The following EMILIN2 variants were observed in gnomAD, a reference collection of about 807,000 sequenced individuals.
The protein encoded by EMILIN2 is EMILIN-2.
EMILIN2 carries 71 observed loss-of-function variants against 87.1 expected under a neutral mutation model. That is an observed-to-expected ratio of 0.82 (90% confidence interval 0.67 to 0.99). The LOEUF is 0.99. Among genes scored for constraint, EMILIN2 ranks in the 50% least tolerant of loss-of-function variants. EMILIN2 has a pLI of 0.00. For missense variants in EMILIN2, 1,407 were observed against 1,371.8 expected (o/e 1.03, Z -0.40); for synonymous variants, 581 against 563.4 (o/e 1.03, Z -0.44).
intron 2 of EMILIN2, among the ~76,000 whole-genome samples, chr18:2,864,752 G>C (rs1290893392): frequency 6.6e-6 from 1 of 152,034 alleles, no homozygotes; most frequent in Non-Finnish European, 1.5e-5. Context: ...TCCTGAATTT[G>C]AATGTTGGCC....
At chr18:2,866,073 G>A (rs995381833) in intron 2 of EMILIN2, among the ~76,000 whole-genome samples, 1 of 152,206 alleles carries the variant, frequency 6.6e-6, no homozygotes, top group Non-Finnish European at 1.5e-5. Flanking sequence ...CAGTATTAGG[G>A]TGGGAGTGAC....
chr18:2,860,947 G>C (rs1465611758), intron 2 of EMILIN2, among the ~76,000 whole-genome samples: 1 of 152,292 alleles, frequency 6.6e-6, no homozygotes, highest in Admixed American at 6.5e-5. Flanking sequence ...GTGTGAGATG[G>C]TATCTCATTG....
intron 7 of EMILIN2, among the ~76,000 whole-genome samples, chr18:2,912,755 C>T (rs1324135009): frequency 3.9e-5 from 6 of 152,198 alleles, no homozygotes; most frequent in Admixed American, 2.6e-4. Flanking sequence ...TTGGCCCTGC[C>T]TCCCGGGTAT....
chr18:2,870,550 G>T (rs11874228), intron 2 of EMILIN2, among the ~76,000 whole-genome samples: 12,464 of 152,252 alleles, frequency 0.082, 1,689 homozygotes, highest in African/African-American at 0.28. Flanking sequence ...CGACATAAAA[G>T]GTGGGAATGA....
intron 2 of EMILIN2, among the ~76,000 whole-genome samples, chr18:2,859,264 GC>G (rs1313563908): frequency 6.6e-6 from 1 of 152,014 alleles, no homozygotes; most frequent in African/African-American, 2.4e-5. Flanking sequence ...GGCCATTCTT[GC>G]GGGAGTAAGG....
rs926015055 is a variant in EMILIN2, at chr18:2,880,648, G to GC, written c.258-4315dup. ...CGCCGCCTTAACTTTTCCTCTGGCT[G>GC]CGGGTCCCTCGGCTTGGCCACCCCC... On this transcript the variant is annotated intron_variant, in intron 2 of 7. Coordinates refer to ENST00000254528, the MANE Select transcript of EMILIN2 (RefSeq NM_032048.3). The surrounding 1 kb of genome is among the most constrained non-coding windows in gnomAD (Gnocchi z 4.1). Among the ~76,000 whole-genome samples, 2 of 152,232 alleles carry GC rather than the reference G, an allele frequency of 1.3e-5. No individual in the cohort carries two copies. Among genetic ancestry groups the GC allele is most frequent in the Non-Finnish European group, 2.9e-5 (2 of 68,042 alleles).
At chr18:2,857,628 T>C (rs542661177) in intron 2 of EMILIN2, among the ~76,000 whole-genome samples, 2 of 152,052 alleles carry the variant, frequency 1.3e-5, no homozygotes, top group East Asian at 3.9e-4. Flanking sequence ...CAGCCCTTCT[T>C]GGGGAGAACC....
At chr18:2,873,100 G>A (rs2076728623) in intron 2 of EMILIN2, among the ~76,000 whole-genome samples, 1 of 151,576 alleles carries the variant, frequency 6.6e-6, no homozygotes, top group South Asian at 2.1e-4. Flanking sequence ...TGGGAAGCAA[G>A]CCACCTATAT....
At chr18:2,872,651 T>A (rs1213919952) in intron 2 of EMILIN2, among the ~76,000 whole-genome samples, 1 of 152,232 alleles carries the variant, frequency 6.6e-6, no homozygotes, top group East Asian at 1.9e-4. Context: ...CTTGGCAATC[T>A]CAGTGTGACC....
chr18:2,862,953 G>A, intron 2 of EMILIN2, among the ~76,000 whole-genome samples: 2 of 152,048 alleles, frequency 1.3e-5, no homozygotes, highest in Non-Finnish European at 2.9e-5. Flanking sequence ...GTCTTGGGAG[G>A]GCATATGTGT....
rs759835812 is a variant in EMILIN2, at chr18:2,891,593, T to C, written c.1466T>C (p.Leu489Pro). 4 of 1,614,024 alleles carry C rather than the reference T, an allele frequency of 2.5e-6. No homozygotes were observed. Among genetic ancestry groups the C allele is most frequent in the South Asian group, 2.2e-5 (2 of 91,078 alleles). ...GGAGAGGTGGGTGACTTGAAGCAGC[T>C]TGTTGATCAGAAAATACAGTCTCTG... The part of the protein sequence containing the change: ...INGEVGDLKQ[L>P]VDQKIQSLED... Residue 489 changes from leucine (L) to proline (P), a missense_variant, in exon 4 of 8, where the codon CTT becomes CCT. By Grantham distance (98) the Leu-to-Pro change is moderately conservative. Transcript: ENST00000254528. The surrounding 1 kb of genome is among the most constrained non-coding windows in gnomAD (Gnocchi z 4.6).
chr18:2,909,629 G>T (rs2076931423), intron 6 of EMILIN2, 62 bp from the exon 7 acceptor site: 2 of 1,581,776 alleles, frequency 1.3e-6, no homozygotes, highest in Middle Eastern at 3.4e-4. Context: ...CAGTTTTCCA[G>T]GCCCTCCCCC....
At chr18:2,854,370 C>T (rs1598484043) in intron 2 of EMILIN2, among the ~76,000 whole-genome samples, 1 of 152,074 alleles carries the variant, frequency 6.6e-6, no homozygotes, top group Admixed American at 6.5e-5. Context: ...GTGTTGAGTT[C>T]CGTGGAGTTC....
intron 2 of EMILIN2, among the ~76,000 whole-genome samples, chr18:2,861,626 G>T (rs1411182160): frequency 5.3e-5 from 8 of 152,258 alleles, no homozygotes; most frequent in Admixed American, 3.3e-4. Context: ...TGCTGTTTTG[G>T]TTACTGTAGC....
intron 4 of EMILIN2, among the ~76,000 whole-genome samples, chr18:2,898,925 C>T (rs934867973): frequency 4.6e-5 from 7 of 152,264 alleles, no homozygotes; most frequent in South Asian, 2.1e-4. Context: ...CCTGACAACT[C>T]GCCCCCTTTA....
intron 2 of EMILIN2, among the ~76,000 whole-genome samples, chr18:2,868,750 A>T (rs910029147): frequency 1.3e-5 from 2 of 152,254 alleles, no homozygotes; most frequent in Non-Finnish European, 2.9e-5. Context: ...GCAGCAGCAC[A>T]GTCCAGCTTC....
At chr18:2,885,659 A>G (rs1450599074) in intron 3 of EMILIN2, among the ~76,000 whole-genome samples, 1 of 152,092 alleles carries the variant, frequency 6.6e-6, no homozygotes, top group Non-Finnish European at 1.5e-5. Flanking sequence ...CTGGGATTAC[A>G]GGCGCCTGCC....
intron 3 of EMILIN2, among the ~76,000 whole-genome samples, chr18:2,888,468 C>G (rs1324069396): frequency 3.3e-5 from 5 of 152,002 alleles, no homozygotes; most frequent in Non-Finnish European, 7.4e-5. Flanking sequence ...GTAATCCCAG[C>G]ACTTTGGGAG....
intron 7 of EMILIN2, among the ~76,000 whole-genome samples, chr18:2,910,794 G>A (rs1422734116): frequency 6.6e-6 from 1 of 152,228 alleles, no homozygotes; most frequent in Non-Finnish European, 1.5e-5. Context: ...TCTGTCCTTA[G>A]TCAGTGGCTC....
Sources: allele counts gnomAD v4.1 joint callset (sites outside exome capture counted in the v4.1 genomes callset), GRCh38; gene constraint gnomAD v4.1.1; non-coding constraint Gnocchi (gnomAD v3.1); transcripts MANE v1.5; gene names NCBI Gene and HGNC (gene_info 2026-07-23, HGNC 2026-07-21).